Variants in MTHFD1L observed in about 807,000 individuals in gnomAD.
MTHFD1L encodes methylenetetrahydrofolate dehydrogenase (NADP+ dependent) 1 like.
A neutral mutation model predicts 119.5 loss-of-function variants in MTHFD1L; 81 were observed. That is an observed-to-expected ratio of 0.68 (90% CI 0.57 to 0.82). The LOEUF (loss-of-function observed/expected upper bound fraction) is 0.82, where lower values mean the gene tolerates loss of function less well. Among genes scored for constraint, MTHFD1L ranks in the 40% least tolerant of loss-of-function variants. MTHFD1L has a pLI of 0.00. For synonymous variants in MTHFD1L, 430 were observed against 475.2 expected (o/e 0.90, Z 1.24); for missense variants, 1,125 against 1,253.4 (o/e 0.90, Z 1.55).
chr6:150,976,983 T>C (rs1167416596), intron 20 of MTHFD1L, among the ~76,000 whole-genome samples: 2 of 152,226 alleles, frequency 1.3e-5, no homozygotes, highest in Non-Finnish European at 2.9e-5. Context: ...TTTGAAATAA[T>C]TGACTTCAGT....
chr6:150,936,384 A>T (rs1049738883), intron 11 of MTHFD1L, among the ~76,000 whole-genome samples: 1 of 152,164 alleles, frequency 6.6e-6, no homozygotes, highest in African/African-American at 2.4e-5. Context: ...TACTCACCCA[A>T]GGACCGTTGA....
chr6:150,926,707 T>G lies in MTHFD1L; in HGVS notation c.1256+412T>G, dbSNP rs1790054971. ...ACAGATAATCATATGAAACATGTTT[T>G]CCTGTTAATATCCTTGATCTTACCT... On this transcript the variant is annotated intron_variant, in intron 11 of 27. Transcript: ENST00000367321. The surrounding 1 kb of genome is among the most constrained non-coding windows in gnomAD (Gnocchi z 4.3). 6.6e-6 allele frequency among the ~76,000 whole-genome samples: 1 copy of G among 152,208 alleles called. No individual in the cohort carries two copies. The highest frequency in any genetic ancestry group is 6.5e-5 in the Admixed American group (1 of 15,274).
chr6:150,884,462 ATAAT>A (rs1054760863), intron 5 of MTHFD1L, among the ~76,000 whole-genome samples: 4 of 151,910 alleles, frequency 2.6e-5, no homozygotes, highest in African/African-American at 9.7e-5. Context: ...TTTTAAGTAA[ATAAT>A]TAAACATTTT....
intron 26 of MTHFD1L, among the ~76,000 whole-genome samples, chr6:151,066,437 CAAAAAAAAAAAAAA>C (rs35065800): frequency 2.0e-5 from 1 of 50,686 alleles, no homozygotes; most frequent in Non-Finnish European, 3.5e-5. Context: ...GACTCCATCT[CAAAAAAAAAAAAAA>C]AAAAAAAAAG....
rs1779342252 is a variant in MTHFD1L, at chr6:150,870,981, A to G, written c.227+4932A>G. Among the ~76,000 whole-genome samples the G allele has an allele frequency of 2.8e-5, 4 of 144,796 alleles. No individual in the cohort carries two copies. In the Admixed American group the frequency reaches 2.8e-4, roughly 10 times the overall value. The allele number at this position is 144,796 out of a possible 152,430, so 95.0% of individuals were successfully genotyped here. A position where few individuals can be genotyped will look rare whatever the true frequency, so the allele number is the denominator to read the frequency against. On this transcript the variant is annotated intron_variant, in intron 1 of 27. Coordinates refer to ENST00000367321, the MANE Select transcript of MTHFD1L (RefSeq NM_015440.5). ...TATATATTATATATATAAAATATAT[A>G]TAATATAATATACCTTAATTATAAT...
chr6:150,987,210 C>T (rs1778434589), intron 20 of MTHFD1L, among the ~76,000 whole-genome samples: 1 of 152,170 alleles, frequency 6.6e-6, no homozygotes, highest in Non-Finnish European at 1.5e-5. Context: ...CGGGTAGTTG[C>T]ATCTAGCAGG....
At chr6:151,022,694 ACACGCCCAGGGCCAGCC>A (rs1214236979) in intron 24 of MTHFD1L, among the ~76,000 whole-genome samples, 1 of 152,064 alleles carries the variant, frequency 6.6e-6, no homozygotes, top group Non-Finnish European at 1.5e-5. Flanking sequence ...CCATCTTCAG[ACACGCCCAGGGCCAGCC>A]TGAGTCAGTA....
intron 16 of MTHFD1L, among the ~76,000 whole-genome samples, chr6:150,953,979 G>A (rs982002586): frequency 6.6e-6 from 1 of 152,094 alleles, no homozygotes; most frequent in East Asian, 1.9e-4. Context: ...CATAAAGAAG[G>A]TTTCTGTGTG....
At chr6:150,992,627 A>G (rs1204863032) in intron 20 of MTHFD1L, among the ~76,000 whole-genome samples, 1 of 152,210 alleles carries the variant, frequency 6.6e-6, no homozygotes, top group Non-Finnish European at 1.5e-5. Flanking sequence ...GGCAGTTGTG[A>G]TGAGTATGTG....
rs765090172 is a variant in MTHFD1L, at chr6:150,877,613, T to C, written c.313-21T>C. 122 of 1,613,496 alleles carry C rather than the reference T, an allele frequency of 7.6e-5. No homozygotes were observed. In the Middle Eastern group the frequency reaches 1.2e-3, roughly 16 times the overall value. On this transcript the variant is annotated intron_variant, in intron 2 of 27. Transcript: ENST00000367321. The stretch of plus-strand genomic sequence containing the variant: ...TTTTCAAGCTATTTTTATGTTGTTA[T>C]GTTGTTTTTACCTTCCTAAGGCAGG...
intron 20 of MTHFD1L, among the ~76,000 whole-genome samples, chr6:151,006,801 G>C (rs1232438177): frequency 6.6e-6 from 1 of 152,012 alleles, no homozygotes; most frequent in Admixed American, 6.6e-5. Flanking sequence ...CAATCTAACA[G>C]GGTAGTTTAA....
chr6:150,993,464 A>G (rs1779328139), intron 20 of MTHFD1L, among the ~76,000 whole-genome samples: 1 of 151,892 alleles, frequency 6.6e-6, no homozygotes, highest in Admixed American at 6.6e-5. Flanking sequence ...GGCACACACC[A>G]CCACGTCCAG....
Position 151,099,822 on chromosome 6 carries a change from C to T in MTHFD1L, c.*32-1704C>T, listed in dbSNP as rs1244836308. The stretch of plus-strand genomic sequence containing the variant: ...GCAACAATCGTACTTGTGCCGAGAT[C>T]GCTCACAATGTTTCCTCCAAGAACC... On this transcript the variant is annotated intron_variant, in intron 27 of 27. Coordinates refer to ENST00000367321, the MANE Select transcript of MTHFD1L (RefSeq NM_015440.5). The T allele has an allele frequency of 3.2e-5, 51 of 1,602,644 alleles. No individual in the cohort carries two copies. The East Asian group carries it at 5.4e-4, about 17-fold the overall frequency.
intron 26 of MTHFD1L, among the ~76,000 whole-genome samples, chr6:151,044,902 G>A (rs1219322404): frequency 6.6e-6 from 1 of 152,132 alleles, no homozygotes; most frequent in Non-Finnish European, 1.5e-5. Flanking sequence ...AGAAAGCTGC[G>A]GCCCCGGCCC....
At chr6:151,006,443 G>T (rs1333594492) in intron 20 of MTHFD1L, among the ~76,000 whole-genome samples, 1 of 152,078 alleles carries the variant, frequency 6.6e-6, no homozygotes, top group Non-Finnish European at 1.5e-5. Context: ...GAAGATGAAG[G>T]TAGGGGAAGG....
chr6:151,016,803 TGCTCTG>T, intron 24 of MTHFD1L: 1 of 212,078 alleles, frequency 4.7e-6, no homozygotes. Context: ...GACAGAGCCT[TGCTCTG>T]TTGCCCAGGC....
intron 1 of MTHFD1L, among the ~76,000 whole-genome samples, chr6:150,869,565 C>A (rs1400426150): frequency 6.6e-6 from 1 of 152,150 alleles, no homozygotes; most frequent in East Asian, 1.9e-4. Flanking sequence ...CTATGTTGGC[C>A]AGGCTGGTCT....
chr6:151,084,579 T>C (rs1793540835), intron 26 of MTHFD1L, among the ~76,000 whole-genome samples: 1 of 152,164 alleles, frequency 6.6e-6, no homozygotes, highest in Non-Finnish European at 1.5e-5. Flanking sequence ...GTGCCTGGCC[T>C]AATTACTGAT....
At chr6:151,034,307 A>T (rs898646412) in intron 24 of MTHFD1L, among the ~76,000 whole-genome samples, 186 bp from the exon 25 acceptor site, 1 of 152,158 alleles carries the variant, frequency 6.6e-6, no homozygotes, top group African/African-American at 2.4e-5. Context: ...TATTTCTGAC[A>T]CTGAAAATTT....
Sources: gnomAD v4.1 joint callset for allele counts (sites outside exome capture counted in the v4.1 genomes callset) on GRCh38, gnomAD v4.1.1 for gene constraint, Gnocchi (gnomAD v3.1) non-coding constraint, MANE v1.5 for transcripts, NCBI Gene and HGNC (gene_info 2026-07-23, HGNC 2026-07-21) for gene names.